JAK2: variants seen among roughly 807,000 people sequenced by gnomAD.
The protein encoded by JAK2 is Janus kinase 2, also known as tyrosine-protein kinase JAK2.
In JAK2, 86 loss-of-function variants were observed where a neutral mutation model predicts 139.3. That is an observed-to-expected ratio of 0.62 (90% CI 0.52 to 0.74). The LOEUF (loss-of-function observed/expected upper bound fraction) is 0.74. JAK2 is among the 30% of genes least tolerant of loss of function. JAK2 has a pLI of 0.00. For synonymous variants in JAK2, 490 were observed against 437.7 expected, an observed-to-expected ratio of 1.12 and a Z score of -1.49; for missense variants, 1,421 against 1,360.3, an observed-to-expected ratio of 1.04 and a Z score of -0.70.
intron 5 of JAK2, among the ~76,000 whole-genome samples, chr9:5,046,335 A>G (rs1302254901): frequency 1.3e-5 from 2 of 152,142 alleles, no homozygotes; most frequent in African/African-American, 4.8e-5. Flanking sequence ...TGATTTGTAG[A>G]TAGTTTTTCC....
chr9:5,104,260 C>CTA (rs1393288579), intron 22 of JAK2, among the ~76,000 whole-genome samples: 1 of 152,140 alleles, frequency 6.6e-6, no homozygotes, highest in Non-Finnish European at 1.5e-5. Flanking sequence ...GAAATACAAA[C>CTA]TACCATCAGA....
intron 2 of JAK2, among the ~76,000 whole-genome samples, chr9:5,018,444 C>CTTCT (rs1822209097): frequency 6.6e-6 from 1 of 152,140 alleles, no homozygotes; most frequent in Admixed American, 6.5e-5. Flanking sequence ...TCAGGTGATC[C>CTTCT]TTCTGCCTCA....
intron 22 of JAK2, among the ~76,000 whole-genome samples, chr9:5,102,873 T>A (rs1480238060): frequency 1.3e-5 from 2 of 151,992 alleles, no homozygotes; most frequent in Non-Finnish European, 2.9e-5. Flanking sequence ...CAGGCCTGCC[T>A]TACAAGATCT....
Position 5,077,537 on chromosome 9 carries a change from A to G in JAK2, c.1949A>G (p.Lys650Arg). Residue 650 changes from lysine (K) to arginine (R), a missense_variant, in exon 15 of 25, where the codon AAA becomes AGA. Lys to Arg is a conservative substitution (Grantham distance 26). Transcript: ENST00000381652. ...KNKNCINILW[K>R]LEVAKQLAWA... ...AAAAATTGTATAAATATATTATGGAAACTTGAAGTTGCTAAACAGTTGGCA... is the reference window on the plus strand; with the variant it reads ...AAAAATTGTATAAATATATTATGGAGACTTGAAGTTGCTAAACAGTTGGCA... 1 of 1,492,120 alleles carries G rather than the reference A, an allele frequency of 6.7e-7. No homozygotes were observed. The highest frequency in any genetic ancestry group is 8.9e-7 in the Non-Finnish European group (1 of 1,119,724). The allele number at this position is 1,492,120 out of a possible 1,614,324, so 92.4% of individuals were successfully genotyped here.
At chr9:5,097,629 A>G (rs1564001703) in intron 22 of JAK2, 1 of 147,916 alleles carries the variant, frequency 6.8e-6, no homozygotes, top group Non-Finnish European at 1.5e-5. Flanking sequence ...TCTTTAGCTG[A>G]TTAGCTACAC....
At chr9:5,040,782 G>A (rs1277283999) in intron 4 of JAK2, among the ~76,000 whole-genome samples, 1 of 152,246 alleles carries the variant, frequency 6.6e-6, no homozygotes, top group Non-Finnish European at 1.5e-5. Flanking sequence ...CCCTTAACAT[G>A]CGGTGGCTGG....
intron 2 of JAK2, among the ~76,000 whole-genome samples, chr9:4,991,604 G>A (rs1485609570): frequency 6.6e-6 from 1 of 152,020 alleles, no homozygotes; most frequent in African/African-American, 2.4e-5. Context: ...TAAAAAGGTG[G>A]GATCACATGG....
At chr9:5,028,131 G>C (rs1822900550) in intron 3 of JAK2, among the ~76,000 whole-genome samples, 1 of 152,120 alleles carries the variant, frequency 6.6e-6, no homozygotes, top group Admixed American at 6.5e-5. Context: ...CTTACTAAAT[G>C]TGTTTCCCAA....
chr9:5,104,167 C>A (rs749062486), intron 22 of JAK2, among the ~76,000 whole-genome samples: 1 of 151,808 alleles, frequency 6.6e-6, no homozygotes, highest in Non-Finnish European at 1.5e-5. Context: ...ACACTGCTAG[C>A]AAGACTAATA....
intron 14 of JAK2, among the ~76,000 whole-genome samples, chr9:5,076,510 TA>T (rs1243180730): frequency 6.6e-6 from 1 of 152,150 alleles, no homozygotes; most frequent in African/African-American, 2.4e-5. Flanking sequence ...AAAGTATTTT[TA>T]AAAAGATATA....
intron 19 of JAK2, among the ~76,000 whole-genome samples, chr9:5,087,474 A>ACTGGTAGTTCCTTTACT (rs146226026): frequency 6.6e-6 from 1 of 151,540 alleles, no homozygotes; most frequent in Non-Finnish European, 1.5e-5. Context: ...AAACCATATC[A>ACTGGTAGTTCCTTTACT]CTCCCTTACT....
At chr9:5,110,227 CAGG>C in intron 22 of JAK2, 1 of 152,198 alleles carries the variant, frequency 6.6e-6, no homozygotes, top group Admixed American at 6.5e-5. Context: ...ATAGTTGTAG[CAGG>C]AGTTTTCCTG....
intron 4 of JAK2, among the ~76,000 whole-genome samples, chr9:5,034,760 G>C (rs1161123118): frequency 6.6e-6 from 1 of 151,992 alleles, no homozygotes; most frequent in African/African-American, 2.4e-5. Context: ...GAAATTTATA[G>C]CACTAAAGGC....
chr9:5,118,702 A>G (rs538788736), intron 22 of JAK2, among the ~76,000 whole-genome samples: 5 of 152,346 alleles, frequency 3.3e-5, no homozygotes, highest in African/African-American at 1.2e-4. Flanking sequence ...GTGGACAGGA[A>G]TGGAAGGAGT....
intron 2 of JAK2, among the ~76,000 whole-genome samples, chr9:4,996,240 G>C (rs1820553274): frequency 6.6e-6 from 1 of 152,124 alleles, no homozygotes; most frequent in African/African-American, 2.4e-5. Flanking sequence ...CCTGAGGTCA[G>C]GAGTTCACCA....
chr9:5,079,263 G>A (rs1478684490), intron 16 of JAK2, among the ~76,000 whole-genome samples: 1 of 149,894 alleles, frequency 6.7e-6, no homozygotes, highest in Non-Finnish European at 1.5e-5. Flanking sequence ...ATATGGTGAA[G>A]GTATTTGTCA....
intron 2 of JAK2, among the ~76,000 whole-genome samples, chr9:4,996,702 C>T (rs897173581): frequency 6.6e-6 from 1 of 151,872 alleles, no homozygotes; most frequent in Non-Finnish European, 1.5e-5. Flanking sequence ...GCCTTCACCC[C>T]TACCCCTCCC....
chr9:5,104,119 C>T (rs978453534), intron 22 of JAK2, among the ~76,000 whole-genome samples: 3 of 152,054 alleles, frequency 2.0e-5, no homozygotes, highest in Non-Finnish European at 4.4e-5. Flanking sequence ...ATCAATGAAT[C>T]CAGGAGCTGG....
intron 4 of JAK2, among the ~76,000 whole-genome samples, chr9:5,030,970 A>G (rs1329292993): frequency 6.6e-6 from 1 of 152,190 alleles, no homozygotes; most frequent in Non-Finnish European, 1.5e-5. Flanking sequence ...TATATAATAG[A>G]TAAAGAAGAT....
Sources: allele counts gnomAD v4.1 joint callset (sites outside exome capture counted in the v4.1 genomes callset), GRCh38; gene constraint gnomAD v4.1.1; transcripts MANE v1.5; gene names NCBI Gene and HGNC (gene_info 2026-07-23, HGNC 2026-07-21).